AKAP6: variants seen among roughly 807,000 people sequenced by gnomAD.
The protein encoded by AKAP6 is A-kinase anchor protein 6.
Under a neutral mutation model 188.5 loss-of-function variants are expected in AKAP6, and 58 were observed. That is an observed-to-expected ratio of 0.31 (90% confidence interval 0.25 to 0.38). AKAP6 has a LOEUF of 0.38. Among genes scored for constraint, AKAP6 ranks in the 10% least tolerant of loss-of-function variants. AKAP6 has a pLI of 1.00. For missense variants in AKAP6, 2,710 were observed against 2,740.0 expected, an observed-to-expected ratio of 0.99 and a Z score of 0.24; for synonymous variants, 989 against 998.6, an observed-to-expected ratio of 0.99 and a Z score of 0.18.
chr14:32,600,203 C>A (rs1885866382), intron 6 of AKAP6, among the ~76,000 whole-genome samples: 1 of 152,184 alleles, frequency 6.6e-6, no homozygotes, highest in Non-Finnish European at 1.5e-5. Context: ...CGTCTTAATT[C>A]TGGCCTATTT....
At chr14:32,608,090 T>C (rs1270968939) in intron 7 of AKAP6, among the ~76,000 whole-genome samples, 1 of 152,152 alleles carries the variant, frequency 6.6e-6, no homozygotes, top group East Asian at 1.9e-4. Flanking sequence ...TATGGGTGGA[T>C]CTAAGATGAG....
chr14:32,529,817 G>C lies in AKAP6; in HGVS notation c.325-5737G>C, dbSNP rs544989305. ...ATAAAGTTGCAATTTCAATTTCAAA[G>C]GTTTACTTGTGAGTTTTATTGCAAC... is the stretch of plus-strand genomic sequence containing the variant. On this transcript the variant is annotated intron_variant, in intron 2 of 13. Coordinates refer to ENST00000280979, the MANE Select transcript of AKAP6 (RefSeq NM_004274.5). Among the ~76,000 whole-genome samples the C allele has an allele frequency of 6.6e-5, 10 of 151,930 alleles. No homozygotes were observed. The East Asian group carries it at 1.9e-3, about 29-fold the overall frequency.
chr14:32,815,150 T>C (rs1289440075), intron 12 of AKAP6, among the ~76,000 whole-genome samples: 1 of 152,230 alleles, frequency 6.6e-6, no homozygotes, highest in African/African-American at 2.4e-5. Context: ...GAATTATCTG[T>C]GTAGTCAAGA....
intron 1 of AKAP6, among the ~76,000 whole-genome samples, chr14:32,339,733 A>G (rs1226154205): frequency 6.6e-6 from 1 of 152,188 alleles, no homozygotes; most frequent in Non-Finnish European, 1.5e-5. Context: ...CTCTGTTGCT[A>G]TTAAAAATGC....
intron 1 of AKAP6, among the ~76,000 whole-genome samples, chr14:32,353,386 C>A (rs191560940): frequency 6.6e-6 from 1 of 152,110 alleles, no homozygotes; most frequent in Non-Finnish European, 1.5e-5. Flanking sequence ...ACGGTGAAAC[C>A]CTGTCTCTAC....
At chr14:32,361,837 C>T (rs1403959925) in intron 1 of AKAP6, among the ~76,000 whole-genome samples, 1 of 152,106 alleles carries the variant, frequency 6.6e-6, no homozygotes, top group Non-Finnish European at 1.5e-5. Context: ...TCCTTCACTG[C>T]TTAAAAAGGG....
chr14:32,371,264 A>G (rs1442619158), intron 1 of AKAP6, among the ~76,000 whole-genome samples: 3 of 152,238 alleles, frequency 2.0e-5, no homozygotes, highest in Non-Finnish European at 4.4e-5. Flanking sequence ...AGAAAAGGAT[A>G]GGTAAATACA....
At chr14:32,752,169 A>G (rs2032163995) in intron 11 of AKAP6, among the ~76,000 whole-genome samples, 1 of 152,216 alleles carries the variant, frequency 6.6e-6, no homozygotes, top group South Asian at 2.1e-4. Flanking sequence ...CTTCAATTTT[A>G]TTAAAATTCA....
chr14:32,492,646 CT>C (rs977545776), intron 2 of AKAP6, among the ~76,000 whole-genome samples: 3 of 151,454 alleles, frequency 2.0e-5, no homozygotes, highest in African/African-American at 4.8e-5. Context: ...GTACATGTTC[CT>C]TTTTTTTCCC....
chr14:32,383,275 G>A (rs552656855), intron 1 of AKAP6, among the ~76,000 whole-genome samples: 1 of 152,178 alleles, frequency 6.6e-6, no homozygotes, highest in African/African-American at 2.4e-5. Flanking sequence ...GTCAAAAATA[G>A]TATATCATAT....
In AKAP6 at chr14:32,790,317, A is replaced by C. The variant is rs147257625; in HGVS notation, c.3588+16424A>C. Among the ~76,000 whole-genome samples, 390 of 152,288 alleles carry C rather than the reference A, an allele frequency of 2.6e-3. 3 individuals are homozygous for C. Among genetic ancestry groups the C allele is most frequent in the African/African-American group, 9.0e-3 (375 of 41,558 alleles). ...CATACTACAGGCTTTCATCCAGGAG[A>C]ACTTCCCCAACCTACCAAGACAGGT... is the stretch of plus-strand genomic sequence containing the variant. On this transcript the variant is annotated intron_variant, in intron 12 of 13. Coordinates refer to ENST00000280979, the MANE Select transcript of AKAP6 (RefSeq NM_004274.5).
intron 12 of AKAP6, among the ~76,000 whole-genome samples, chr14:32,786,298 C>CTTTTTTTTTTTTTTT (rs1162974012): frequency 2.4e-5 from 2 of 82,550 alleles, no homozygotes; most frequent in African/African-American, 4.8e-5. Flanking sequence ...AAACCTTTAT[C>CTTTTTTTTTTTTTTT]TTTTTTTTTT....
At chr14:32,625,259 C>A (rs543812466) in intron 7 of AKAP6, among the ~76,000 whole-genome samples, 1 of 152,024 alleles carries the variant, frequency 6.6e-6, no homozygotes, top group Non-Finnish European at 1.5e-5. Context: ...ACACTACATA[C>A]GTTAAGCTCA....
At chr14:32,806,439 G>A (rs1034617951) in intron 12 of AKAP6, among the ~76,000 whole-genome samples, 38 of 152,192 alleles carry the variant, frequency 2.5e-4, no homozygotes, top group African/African-American at 9.2e-4. Flanking sequence ...CACTTTGGGA[G>A]ACTGAGGCAG....
At chr14:32,378,068 A>G (rs749542350) in intron 1 of AKAP6, among the ~76,000 whole-genome samples, 9 of 152,312 alleles carry the variant, frequency 5.9e-5, no homozygotes, top group Non-Finnish European at 7.4e-5. Flanking sequence ...TGTGTATACT[A>G]AAAGAACATT....
chr14:32,376,484 T>C (rs1342113436), intron 1 of AKAP6, among the ~76,000 whole-genome samples: 1 of 152,212 alleles, frequency 6.6e-6, no homozygotes, highest in East Asian at 1.9e-4. Context: ...ATAGGACCTA[T>C]TGCAGTGCCT....
At chr14:32,791,598 T>C (rs1445116931) in intron 12 of AKAP6, among the ~76,000 whole-genome samples, 1 of 152,202 alleles carries the variant, frequency 6.6e-6, no homozygotes, top group African/African-American at 2.4e-5. Context: ...ATAGTTTCTT[T>C]TGCTGTGCAG....
At chr14:32,615,960 A>T (rs1348634736) in intron 7 of AKAP6, among the ~76,000 whole-genome samples, 1 of 152,176 alleles carries the variant, frequency 6.6e-6, no homozygotes, top group African/African-American at 2.4e-5. Context: ...CACTAACGCT[A>T]TTAAAATTAT....
chr14:32,545,324 C>A lies in AKAP6; in HGVS notation c.671C>A (p.Ala224Glu), dbSNP rs1282658157. The A allele has an allele frequency of 1.2e-6, 2 of 1,614,018 alleles. No individual in the cohort carries two copies. The highest frequency in any genetic ancestry group is 1.7e-6 in the Non-Finnish European group (2 of 1,179,990). Residue 224 changes from alanine (A) to glutamate (E), a missense_variant, in exon 4 of 14, where the codon GCA becomes GAA. By Grantham distance (107) the Ala-to-Glu change is moderately radical. This residue lies in a region of AKAP6 where 237 missense variants were observed against 313.9 expected (regional missense o/e 0.76). Transcript: ENST00000280979. ...NYLSLDCGIT[A>E]FELSDYSPSE... ...TTGTCTCTGGATTGTGGCATTACTGCATTCGAACTGTCTGACTACAGTCCA... is the reference window on the plus strand; with the variant it reads ...TTGTCTCTGGATTGTGGCATTACTGAATTCGAACTGTCTGACTACAGTCCA...
Sources: gnomAD v4.1 joint callset for allele counts (sites outside exome capture counted in the v4.1 genomes callset) on GRCh38, gnomAD v4.1.1 for gene constraint, gnomAD v4.1.1 regional missense constraint, MANE v1.5 for transcripts, NCBI Gene and HGNC (gene_info 2026-07-23, HGNC 2026-07-21) for gene names.